ASB2: variants seen among roughly 807,000 people sequenced by gnomAD.
The protein encoded by ASB2 is ankyrin repeat and SOCS box containing 2.
In ASB2, 58 loss-of-function variants were observed where a neutral mutation model predicts 62.4. The ratio of observed to expected loss-of-function variants is 0.93; its 90% CI spans 0.75 to 1.16. ASB2 has a LOEUF of 1.16. Ranked by LOEUF, ASB2 falls within the 50% of genes most tolerant of loss-of-function variation. The pLI is 0.00. For missense variants in ASB2, 928 were observed against 887.9 expected, an observed-to-expected ratio of 1.05 and a Z score of -0.57; for synonymous variants, 386 against 385.3, an observed-to-expected ratio of 1.00 and a Z score of -0.02.
At chr14:93,965,939 C>G (rs1315390713) in intron 1 of ASB2, among the ~76,000 whole-genome samples, 8 of 152,246 alleles carry the variant, frequency 5.3e-5, no homozygotes, top group Admixed American at 5.2e-4. Flanking sequence ...GAGAACACAC[C>G]CGGGCACCTG....
intron 7 of ASB2, among the ~76,000 whole-genome samples, chr14:93,941,913 C>T (rs761166457): frequency 1.1e-4 from 17 of 152,254 alleles, no homozygotes; most frequent in Admixed American, 2.6e-4. Context: ...TCAGTGCGTC[C>T]AGCTTTCCCA....
chr14:93,938,101 G>A (rs546481754), intron 8 of ASB2, among the ~76,000 whole-genome samples: 15 of 152,214 alleles, frequency 9.9e-5, no homozygotes, highest in African/African-American at 3.4e-4. Context: ...ACTCCAAGGG[G>A]ATTTAACATG....
At chr14:93,960,950 G>GATAA (rs3063040) in intron 2 of ASB2, among the ~76,000 whole-genome samples, 35,227 of 144,594 alleles carry the variant, frequency 0.24, 4,333 homozygotes, top group Non-Finnish European at 0.26. Flanking sequence ...GGGCACTGGA[G>GATAA]ATAAATAAAT....
intron 2 of ASB2, among the ~76,000 whole-genome samples, chr14:93,964,107 G>A (rs1366324554): frequency 1.3e-5 from 2 of 152,210 alleles, no homozygotes; most frequent in Admixed American, 6.5e-5. Flanking sequence ...AGAGCCCACT[G>A]AGAGGGTCCT....
intron 2 of ASB2, among the ~76,000 whole-genome samples, chr14:93,962,803 G>A (rs1442160051): frequency 6.6e-6 from 1 of 152,198 alleles, no homozygotes; most frequent in Non-Finnish European, 1.5e-5. Context: ...GAGGAAGGAT[G>A]CCCTATCTCT....
intron 8 of ASB2, among the ~76,000 whole-genome samples, chr14:93,938,792 C>T (rs1888377183): frequency 6.6e-6 from 1 of 152,232 alleles, no homozygotes; most frequent in Admixed American, 6.5e-5. Flanking sequence ...CGTTCCAATG[C>T]ACCACTAAGT....
Position 93,951,063 on chromosome 14 carries a change from G to A in ASB2, c.816C>T (p.Ile272=). 1 of 1,614,184 alleles carries A rather than the reference G, an allele frequency of 6.2e-7. No individual in the cohort carries two copies. The highest frequency in any genetic ancestry group is 8.5e-7 in the Non-Finnish European group (1 of 1,180,042). ...AKVESKNAYG[I]TPLFVAAQSG... ...TCTGGGCGGCCACGAACAAGGGGGT[G>A]ATGCCGTAGGCGTTCTTGGATTCCA... is the stretch of plus-strand genomic sequence containing the variant. The change falls in exon 6 of 10, where the codon ATC becomes ATT. Residue 272 remains isoleucine (I), a synonymous_variant. Transcript: ENST00000555019.
intron 1 of ASB2, among the ~76,000 whole-genome samples, chr14:93,972,586 C>T (rs1169751178): frequency 1.3e-5 from 2 of 152,206 alleles, no homozygotes; most frequent in Admixed American, 1.3e-4. Flanking sequence ...CGTCAGCCTG[C>T]GCCGTCTTCA....
At chr14:93,963,349 C>T (rs1889474166) in intron 2 of ASB2, among the ~76,000 whole-genome samples, 1 of 151,866 alleles carries the variant, frequency 6.6e-6, no homozygotes, top group South Asian at 2.1e-4. Flanking sequence ...CACAGCAATT[C>T]CCATGCCCTG....
At chr14:93,956,657 T>C in intron 3 of ASB2, 109 bp downstream of exon 3, 9 of 1,461,106 alleles carry the variant, frequency 6.2e-6, no homozygotes, top group Non-Finnish European at 7.6e-6. Context: ...GGTGCCTCCA[T>C]AGTGCCCTCT....
chr14:93,972,663 T>C (rs1427722746), intron 1 of ASB2, among the ~76,000 whole-genome samples: 2 of 152,166 alleles, frequency 1.3e-5, no homozygotes, highest in Non-Finnish European at 2.9e-5. Context: ...CTAAACCTCA[T>C]CCCTCTGGAG....
In ASB2 at chr14:93,939,603, G is replaced by T. The variant is rs199695155; in HGVS notation, c.1122C>A (p.His374Gln). The stretch of plus-strand genomic sequence containing the variant: ...CGTCGTGGTTGCGCTCGGCCGCCAG[G>T]TGCAGCGGACTGACGCCGCTACGGC... Reference protein sequence around the residue: ...RIRRSGVSPLHLAAERNHDEV... With the variant: ...RIRRSGVSPLQLAAERNHDEV... The change falls in exon 8 of 10, where the codon CAC (histidine) becomes CAA (glutamine). Residue 374 changes from histidine (H) to glutamine (Q), a missense_variant. Physicochemically the swap from His to Gln is conservative, Grantham distance 24 (BLOSUM62 0). Coordinates refer to ENST00000555019, the MANE Select transcript of ASB2 (RefSeq NM_001202429.2). 8 of 1,564,778 alleles carry T rather than the reference G, an allele frequency of 5.1e-6. No individual in the cohort carries two copies. Among genetic ancestry groups the T allele is most frequent in the Non-Finnish European group, 6.9e-6 (8 of 1,161,598 alleles).
In ASB2 at chr14:93,939,567, C is replaced by T. The variant is rs1302584899; in HGVS notation, c.1158G>A (p.Glu386=). Residue 386 remains glutamate (E), a synonymous_variant, in exon 8 of 10, where the codon GAG becomes GAA. Transcript: ENST00000555019. ...AAERNHDEVL[E]ALLSARFDVN... ...CGTCGAAGCGCGCGCTCAGCAGCGC[C>T]TCCAGCACCTCGTCGTGGTTGCGCT... 4.4e-6 allele frequency: 7 copies of T among 1,589,298 alleles called. No individual in the cohort carries two copies. The African/African-American group carries it at 8.1e-5, about 18-fold the overall frequency.
intron 1 of ASB2, among the ~76,000 whole-genome samples, chr14:93,970,906 A>G (rs553296014): frequency 2.2e-4 from 34 of 152,296 alleles, no homozygotes; most frequent in African/African-American, 3.6e-4. Context: ...AATGTGGAGC[A>G]CCTGGCACAC....
At chr14:93,959,254 G>A (rs67101052) in intron 2 of ASB2, among the ~76,000 whole-genome samples, 13,705 of 152,252 alleles carry the variant, frequency 0.09, 652 homozygotes, top group African/African-American at 0.11. Flanking sequence ...GAGGATATTT[G>A]GAAGTCAGCA....
chr14:93,975,855 A>G (rs78319443), intron 1 of ASB2, among the ~76,000 whole-genome samples: 10,993 of 152,326 alleles, frequency 0.072, 417 homozygotes, highest in African/African-American at 0.084. Context: ...ACACACATGC[A>G]TGGTATTCTT....
rs761361757 is a variant in ASB2, at chr14:93,947,362, T to A, written c.1039A>T (p.Lys347Ter). The A allele has an allele frequency of 1.2e-6, 2 of 1,614,146 alleles. No individual in the cohort carries two copies. The highest frequency in any genetic ancestry group is 2.2e-5 in the South Asian group (2 of 91,090). ...GLLPLHIASKKGNYRIVQMLL... is the reference protein window; with the variant it reads ...GLLPLHIASK The stretch of plus-strand genomic sequence containing the variant: ...GCCTGGGCTGACCTGTAGTTGCCCT[T>A]CTTGGAGGCGATGTGCAGCGGGAGC... The change falls in exon 7 of 10, where the codon AAG (lysine) becomes TAG (stop). Residue 347 changes from lysine (K) to a stop codon, truncating the protein, a stop_gained. Coordinates refer to ENST00000555019, the MANE Select transcript of ASB2 (RefSeq NM_001202429.2). LOFTEE classifies it high-confidence loss of function.
intron 7 of ASB2, chr14:93,942,244 A>T (rs145757390): frequency 1.3e-5 from 6 of 455,988 alleles, no homozygotes; most frequent in African/African-American, 1.0e-4. Flanking sequence ...GCGGCACCTC[A>T]TGAAGAGGAA....
In ASB2 at chr14:93,934,201, A is replaced by G. The variant is rs1447046795; in HGVS notation, c.*455T>C. ...AACATTTATTATATTAATACTTAAC[A>G]AAGCCCTCCAAGACCCAGGCTCCCC... is the stretch of plus-strand genomic sequence containing the variant. On this transcript the variant is annotated 3_prime_UTR_variant, in exon 10 of 10. Transcript: ENST00000555019. 4.4e-6 allele frequency: 2 copies of G among 455,920 alleles called. No homozygotes were observed. The highest frequency in any genetic ancestry group is 4.7e-5 in the Admixed American group (2 of 42,526). 28.2% of individuals were successfully genotyped at this position (455,920 alleles called of 1,614,324 possible). A position where few individuals can be genotyped will look rare whatever the true frequency, so the allele number is the denominator to read the frequency against.
Sources: allele counts gnomAD v4.1 joint callset (sites outside exome capture counted in the v4.1 genomes callset), GRCh38; gene constraint gnomAD v4.1.1; transcripts MANE v1.5; gene names NCBI Gene and HGNC (gene_info 2026-07-23, HGNC 2026-07-21).